DZIP1: variants seen among roughly 807,000 people sequenced by gnomAD.
The protein encoded by DZIP1 is cilium assembly protein DZIP1.
In DZIP1, 97 loss-of-function variants were observed where a neutral mutation model predicts 107.6. The ratio of observed to expected loss-of-function variants is 0.90; its 90% CI spans 0.77 to 1.07. The LOEUF is 1.07. DZIP1 is among the 50% of genes least tolerant of loss of function. The pLI, the probability that DZIP1 is intolerant of heterozygous loss-of-function variation, is 0.00. For missense variants in DZIP1, 1,035 were observed against 1,063.6 expected (o/e 0.97, Z 0.37); for synonymous variants, 390 against 386.4 (o/e 1.01, Z -0.11).
Position 95,642,134 on chromosome 13 carries a change from C to T in DZIP1, c.-105G>A, listed in dbSNP as rs1878610729. On this transcript the variant is annotated 5_prime_UTR_variant, in exon 4 of 23. Transcript: ENST00000376829. ...GCCGGGTTCCTCGCTTCCGCGGCGGCGGCGGCCTAAGGTCTGGGCGTCCAG... is the reference window on the plus strand; with the variant it reads ...GCCGGGTTCCTCGCTTCCGCGGCGGTGGCGGCCTAAGGTCTGGGCGTCCAG... The T allele has an allele frequency of 1.4e-6, 2 of 1,395,832 alleles. No individual in the cohort carries two copies. The highest frequency in any genetic ancestry group is 1.9e-6 in the Non-Finnish European group (2 of 1,073,680). The allele number at this position is 1,395,832 out of a possible 1,614,324, so 86.5% of individuals were successfully genotyped here.
intron 10 of DZIP1, among the ~76,000 whole-genome samples, chr13:95,612,406 T>C (rs1343980996): frequency 6.6e-6 from 1 of 152,152 alleles, no homozygotes; most frequent in Non-Finnish European, 1.5e-5. Flanking sequence ...ACACTGATAA[T>C]GGGAGCAGCT....
chr13:95,617,162 A>C (rs1324839640), intron 10 of DZIP1, among the ~76,000 whole-genome samples: 2 of 151,820 alleles, frequency 1.3e-5, no homozygotes, highest in African/African-American at 4.8e-5. Context: ...AGATGGCATC[A>C]CTGCACTCCA....
Position 95,579,032 on chromosome 13 carries a change from T to C in DZIP1, c.*3202A>G, listed in dbSNP as rs1310746355. On this transcript the variant is annotated 3_prime_UTR_variant, in exon 23 of 23. Coordinates refer to ENST00000376829, the MANE Select transcript of DZIP1 (RefSeq NM_198968.4). ...GAGCCAATTAAAACCTGTTTATGCCTAGTGTTCCATTATTGGAACACTAAG... is the reference window on the plus strand; with the variant it reads ...GAGCCAATTAAAACCTGTTTATGCCCAGTGTTCCATTATTGGAACACTAAG... The C allele has an allele frequency of 6.6e-6, 1 of 152,208 alleles. No homozygotes were observed. The highest frequency in any genetic ancestry group is 1.5e-5 in the Non-Finnish European group (1 of 68,022). The allele number at this position is 152,208 out of a possible 1,614,324, so 9.4% of individuals were successfully genotyped here.
At chr13:95,604,108 G>A (rs369570245) in intron 14 of DZIP1, among the ~76,000 whole-genome samples, 36 of 152,284 alleles carry the variant, frequency 2.4e-4, no homozygotes, top group South Asian at 1.5e-3. Flanking sequence ...TAGGTTCAAC[G>A]TTCCCTTCGC....
At position 95,610,105 on chromosome 13, in the gene DZIP1, T is replaced by TGAGAGA. The variant is rs1214599623; in HGVS notation, c.1364-593_1364-592insTCTCTC. On this transcript the variant is annotated intron_variant, in intron 12 of 22. Coordinates refer to ENST00000376829, the MANE Select transcript of DZIP1 (RefSeq NM_198968.4). ...GTGTGTGTGTGTGTGTGTGTGTGTG[T>TGAGAGA]GTGTGTGAGAGAGAGACAGAGAGAG... is the stretch of plus-strand genomic sequence containing the variant. Among the ~76,000 whole-genome samples, 64 of 119,122 alleles carry TGAGAGA rather than the reference T, an allele frequency of 5.4e-4. 2 individuals carry two copies. The highest frequency in any genetic ancestry group is 4.6e-3 in the Middle Eastern group (1 of 216). The allele number at this position is 119,122 out of a possible 152,430, so 78.1% of individuals were successfully genotyped here.
chr13:95,596,177 G>C (rs1301861695), intron 15 of DZIP1, among the ~76,000 whole-genome samples: 1 of 152,100 alleles, frequency 6.6e-6, no homozygotes, highest in Non-Finnish European at 1.5e-5. Context: ...TGTAGAAGTG[G>C]AATTAATCAC....
At chr13:95,633,727 T>C (rs1433916848) in intron 5 of DZIP1, among the ~76,000 whole-genome samples, 1 of 150,994 alleles carries the variant, frequency 6.6e-6, no homozygotes, top group Non-Finnish European at 1.5e-5. Context: ...GCACTACCTC[T>C]TGGGCGCTTT....
Position 95,589,137 on chromosome 13 carries a change from T to A in DZIP1, c.2027+17A>T. ...AATAATTTTTTAAATGACCCTCCCA[T>A]CCCTGTCAATACTCACGTAATAGTT... On this transcript the variant is annotated intron_variant, in intron 19 of 22. Transcript: ENST00000376829. 1 of 1,599,504 alleles carries A rather than the reference T, an allele frequency of 6.3e-7. No homozygotes were observed.
chr13:95,641,152 A>G lies in DZIP1; in HGVS notation c.597+143T>C. 1 of 1,146,166 alleles carries G rather than the reference A, an allele frequency of 8.7e-7. No homozygotes were observed. The highest frequency in any genetic ancestry group is 1.2e-6 in the Non-Finnish European group (1 of 845,052). 71.0% of individuals were successfully genotyped at this position (1,146,166 alleles called of 1,614,324 possible). ...AACCATGACATTTGTTGGTTAAATG[A>G]CTGTTTTTGCTTAAATATACTGTGT... On this transcript the variant is annotated intron_variant, in intron 5 of 22. Coordinates refer to ENST00000376829, the MANE Select transcript of DZIP1 (RefSeq NM_198968.4). This position sits in a 1 kb window ranked among gnomAD's most constrained non-coding sequence, Gnocchi z 4.3.
intron 5 of DZIP1, among the ~76,000 whole-genome samples, chr13:95,633,526 A>C (rs979467109): frequency 1.3e-5 from 2 of 151,448 alleles, no homozygotes; most frequent in Non-Finnish European, 2.9e-5. Context: ...CCACAAAAAA[A>C]TACAAAATTA....
At position 95,579,280 on chromosome 13, in the gene DZIP1, A is replaced by G. The variant is rs1011219008; in HGVS notation, c.*2954T>C. 1.1e-4 allele frequency: 16 copies of G among 152,348 alleles called. No homozygotes were observed. The highest frequency in any genetic ancestry group is 8.5e-4 in the Admixed American group (13 of 15,302). 9.4% of individuals were successfully genotyped at this position (152,348 alleles called of 1,614,324 possible). ...TGAGAGACTTGTCATTTCTAAAGAC[A>G]TTTAAGTTGCTCCAGGGATTTCTGA... On this transcript the variant is annotated 3_prime_UTR_variant, in exon 23 of 23. Coordinates refer to ENST00000376829, the MANE Select transcript of DZIP1 (RefSeq NM_198968.4).
chr13:95,606,598 A>G (rs2044785847), intron 13 of DZIP1, among the ~76,000 whole-genome samples: 1 of 152,230 alleles, frequency 6.6e-6, no homozygotes, highest in Non-Finnish European at 1.5e-5. Context: ...GGCAAATAAC[A>G]TTCTGTGTTA....
rs760192694 is a variant in DZIP1 at position 95,641,713 on chromosome 13, A to G, written c.179T>C (p.Phe60Ser). The change falls in exon 5 of 23, where the codon TTC becomes TCC. Residue 60 changes from phenylalanine to serine, a missense_variant. By Grantham distance (155) the Phe-to-Ser change is radical. Transcript: ENST00000376829. This position sits in a 1 kb window ranked among gnomAD's most constrained non-coding sequence, Gnocchi z 4.3. Reference protein sequence around the residue: ...AASGPLPFFQFRPRLESVDWR... With the variant: ...AASGPLPFFQSRPRLESVDWR... ...GTCCACACTCTCCAGCCGCGGCCTG[A>G]ACTGGAAGAAGGGCAGGGGCCCCGA... The G allele has an allele frequency of 6.2e-7, 1 of 1,601,120 alleles. No individual in the cohort carries two copies. The highest frequency in any genetic ancestry group is 8.5e-7 in the Non-Finnish European group (1 of 1,178,710).
chr13:95,595,551 C>T (rs886862747), intron 15 of DZIP1, among the ~76,000 whole-genome samples: 12 of 152,010 alleles, frequency 7.9e-5, no homozygotes, highest in Non-Finnish European at 1.6e-4. Context: ...TCTGAAACCA[C>T]CAAAAAAAGC....
chr13:95,627,909 T>C (rs1232675273), intron 7 of DZIP1, among the ~76,000 whole-genome samples: 1 of 152,152 alleles, frequency 6.6e-6, no homozygotes, highest in African/African-American at 2.4e-5. Context: ...GATGACTGGA[T>C]AAACAAATTG....
chr13:95,638,724 GTC>G (rs929346965), intron 5 of DZIP1, among the ~76,000 whole-genome samples: 13 of 152,122 alleles, frequency 8.5e-5, no homozygotes, highest in Non-Finnish European at 1.3e-4. Flanking sequence ...GTCTGTCTGT[GTC>G]TTCAAGCCTT....
intron 3 of DZIP1, among the ~76,000 whole-genome samples, chr13:95,642,450 A>G (rs1051445888): frequency 1.3e-5 from 2 of 152,226 alleles, no homozygotes; most frequent in Non-Finnish European, 2.9e-5. Flanking sequence ...TATTCACTGT[A>G]GCCCTGGCCT....
chr13:95,599,207 C>T, intron 15 of DZIP1, 158 bp downstream of exon 15: 1 of 603,484 alleles, frequency 1.7e-6, no homozygotes, highest in Non-Finnish European at 2.9e-6. Flanking sequence ...AATAGGATAA[C>T]AGGATACTCT....
intron 14 of DZIP1, among the ~76,000 whole-genome samples, chr13:95,603,326 A>G (rs1348667414): frequency 6.7e-6 from 1 of 148,914 alleles, no homozygotes; most frequent in African/African-American, 2.5e-5. Flanking sequence ...AAAAAAAAAA[A>G]AAAAAAAAAG....
Sources: gnomAD v4.1 joint callset for allele counts (sites outside exome capture counted in the v4.1 genomes callset) on GRCh38, gnomAD v4.1.1 for gene constraint, Gnocchi (gnomAD v3.1) non-coding constraint, MANE v1.5 for transcripts, NCBI Gene and HGNC (gene_info 2026-07-23, HGNC 2026-07-21) for gene names.